Variants in SS18L1 observed in about 807,000 individuals in gnomAD.
SS18L1 encodes the protein calcium-responsive transactivator.
A neutral mutation model predicts 70.3 loss-of-function variants in SS18L1; 32 were observed. That is an observed-to-expected ratio of 0.46 (90% CI 0.34 to 0.61). The LOEUF (loss-of-function observed/expected upper bound fraction) is 0.61. Ranked by LOEUF, SS18L1 falls within the 20% of genes least tolerant of loss-of-function variation. The pLI is 0.01. For missense variants in SS18L1, 430 were observed against 542.1 expected (o/e 0.79, Z 2.05); for synonymous variants, 237 against 229.7 (o/e 1.03, Z -0.29).
At chr20:62,145,656 A>G (rs976553319) in intron 1 of SS18L1, among the ~76,000 whole-genome samples, 1 of 152,200 alleles carries the variant, frequency 6.6e-6, no homozygotes, top group Non-Finnish European at 1.5e-5. Flanking sequence ...GAAGAAATGC[A>G]CCTGTGGACC....
At chr20:62,165,622 A>C in intron 8 of SS18L1, 108 bp downstream of exon 8, 1 of 1,021,898 alleles carries the variant, frequency 9.8e-7, no homozygotes, top group Non-Finnish European at 1.5e-6. Flanking sequence ...TGAGTCCCTT[A>C]AATCACAGCA....
At position 62,172,743 on chromosome 20, in the gene SS18L1, G is replaced by T. The variant is rs748398807; in HGVS notation, c.978G>T (p.Thr326=). The change falls in exon 9 of 11, where the codon ACG becomes ACT. Residue 326 remains threonine, a synonymous_variant. Transcript: ENST00000331758. The part of the protein sequence containing the change: ...GYQQGAAQQQ[T]YSQQQYPSQQ... Reference sequence around the variant, plus strand: ...AGCAGGGTGCCGCGCAGCAGCAGACGTACTCCCAGCAGCAGTACCCCAGCC... The same window carrying T: ...AGCAGGGTGCCGCGCAGCAGCAGACTTACTCCCAGCAGCAGTACCCCAGCC... 1.7e-5 allele frequency: 27 copies of T among 1,613,994 alleles called. No homozygotes were observed. The South Asian group carries it at 3.0e-4, about 18-fold the overall frequency.
chr20:62,179,731 C>CCCA lies in SS18L1; in HGVS notation c.*523_*524insCCA. On this transcript the variant is annotated 3_prime_UTR_variant, in exon 11 of 11. Transcript: ENST00000331758. Reference sequence around the variant, plus strand: ...TGCCTCGATGGGGTGGGTGGGAGGGCATCTTCTGTGCGTTGGGTCAGTTTC... The same window carrying CCCA: ...TGCCTCGATGGGGTGGGTGGGAGGGCCCAATCTTCTGTGCGTTGGGTCAGTTTC... 1 of 145,792 alleles carries CCCA rather than the reference C, an allele frequency of 6.9e-6. No homozygotes were observed. The highest frequency in any genetic ancestry group is 1.5e-5 in the Non-Finnish European group (1 of 66,728). The allele number at this position is 145,792 out of a possible 1,614,324, so 9.0% of individuals were successfully genotyped here.
chr20:62,148,436 A>G (rs2057071686), intron 1 of SS18L1, among the ~76,000 whole-genome samples: 1 of 139,582 alleles, frequency 7.2e-6, no homozygotes. Context: ...CAGGTGAGGG[A>G]GGCTTGGCCT....
chr20:62,169,318 C>G (rs1230523355), intron 8 of SS18L1, among the ~76,000 whole-genome samples: 1 of 152,204 alleles, frequency 6.6e-6, no homozygotes, highest in Non-Finnish European at 1.5e-5. Flanking sequence ...TGGACAAACA[C>G]CAAAACAACC....
At chr20:62,172,875 G>C (rs2057557543) in intron 9 of SS18L1, 74 bp downstream of exon 9, 4 of 1,579,392 alleles carry the variant, frequency 2.5e-6, no homozygotes, top group Non-Finnish European at 3.4e-6. Flanking sequence ...TACGTGCTCA[G>C]TACCCCAGCC....
At position 62,163,592 on chromosome 20, in the gene SS18L1, C is replaced by T. The variant is rs1456336559; in HGVS notation, c.691C>T (p.Pro231Ser). ...GGGGAGCAGCATGATGGGGCAGCGGCCCATGGCGCCCTACCGGCCCTCCCA... is the reference window on the plus strand; with the variant it reads ...GGGGAGCAGCATGATGGGGCAGCGGTCCATGGCGCCCTACCGGCCCTCCCA... ...SQGSSMMGQR[P>S]MAPYRPSQQG... Residue 231 changes from proline to serine, a missense_variant, in exon 6 of 11, where the codon CCC becomes TCC. Physicochemically the swap from Pro to Ser is moderately conservative, Grantham distance 74. Coordinates refer to ENST00000331758, the MANE Select transcript of SS18L1 (RefSeq NM_198935.3). 4.4e-6 allele frequency: 7 copies of T among 1,603,872 alleles called. No homozygotes were observed. Among genetic ancestry groups the T allele is most frequent in the Middle Eastern group, 3.7e-4 (2 of 5,370 alleles).
chr20:62,170,893 A>ATT (rs1387653916), intron 8 of SS18L1, among the ~76,000 whole-genome samples: 148 of 144,264 alleles, frequency 1.0e-3, no homozygotes, highest in African/African-American at 3.6e-3. Context: ...TGGCTCCTTT[A>ATT]TTTTTTTTTT....
intron 7 of SS18L1, 70 bp downstream of exon 7, chr20:62,164,316 G>A: frequency 7.0e-7 from 1 of 1,419,292 alleles, no homozygotes; most frequent in Non-Finnish European, 9.5e-7. Context: ...AGGGCAAGGA[G>A]GGCAAGGAGG....
In SS18L1 at chr20:62,180,527, C is replaced by A. The variant is rs971015328; in HGVS notation, c.*1319C>A. 2.2e-5 allele frequency: 4 copies of A among 180,332 alleles called. No homozygotes were observed. The highest frequency in any genetic ancestry group is 4.7e-5 in the Non-Finnish European group (4 of 84,360). 11.2% of individuals were successfully genotyped at this position (180,332 alleles called of 1,614,324 possible). A position where few individuals can be genotyped will look rare whatever the true frequency, so the allele number is the denominator to read the frequency against. ...ATTTCCAAGAACTACCAAGAAAATA[C>A]AAGAGATATCCAATGCTTGATATAT... is the stretch of plus-strand genomic sequence containing the variant. On this transcript the variant is annotated 3_prime_UTR_variant, in exon 11 of 11. Coordinates refer to ENST00000331758, the MANE Select transcript of SS18L1 (RefSeq NM_198935.3).
rs59638414 is a variant in SS18L1 at position 62,174,017 on chromosome 20, T to TA, written c.1037-483dup. 4.0e-3 allele frequency among the ~76,000 whole-genome samples: 532 copies of TA among 133,666 alleles called. No homozygotes were observed. Among genetic ancestry groups the TA allele is most frequent in the African/African-American group, 4.7e-3 (171 of 36,342 alleles). The allele number at this position is 133,666 out of a possible 152,430, so 87.7% of individuals were successfully genotyped here. Reference sequence around the variant, plus strand: ...TTGGGTGACAGAGTGACACCCTGCCTAAAAAAAAAAAAAAAAATTGGCCTC... The same window carrying TA: ...TTGGGTGACAGAGTGACACCCTGCCTAAAAAAAAAAAAAAAAAATTGGCCTC... On this transcript the variant is annotated intron_variant, in intron 9 of 10. Coordinates refer to ENST00000331758, the MANE Select transcript of SS18L1 (RefSeq NM_198935.3). The surrounding 1 kb of genome is among the most constrained non-coding windows in gnomAD (Gnocchi z 4.1).
In SS18L1 at chr20:62,158,996, TCCCCC is replaced by T. The variant is rs2057276346; in HGVS notation, c.146+249_146+253del. On this transcript the variant is annotated intron_variant, in intron 2 of 10. Coordinates refer to ENST00000331758, the MANE Select transcript of SS18L1 (RefSeq NM_198935.3). The surrounding 1 kb of genome is among the most constrained non-coding windows in gnomAD (Gnocchi z 4.5). ...ACGGAGGCCAGATATGTCCCGAGAG[TCCCCC>T]AGCACGGAGGCCAGATATGTCCCGA... The T allele has an allele frequency of 1.3e-6, 2 of 1,498,056 alleles. No homozygotes were observed. The highest frequency in any genetic ancestry group is 3.1e-5 in the African/African-American group (2 of 64,684). The allele number at this position is 1,498,056 out of a possible 1,614,324, so 92.8% of individuals were successfully genotyped here.
At chr20:62,172,854 C>A in intron 9 of SS18L1, 53 bp downstream of exon 9, 1 of 1,598,302 alleles carries the variant, frequency 6.3e-7, no homozygotes, top group Non-Finnish European at 8.5e-7. Flanking sequence ...CCTGCCCCTG[C>A]CACACATGGG....
At chr20:62,178,394 C>T (rs1217862068) in intron 10 of SS18L1, among the ~76,000 whole-genome samples, 2 of 151,140 alleles carry the variant, frequency 1.3e-5, no homozygotes, top group African/African-American at 4.9e-5. Flanking sequence ...CTCAAATGAT[C>T]CACCCACCTC....
intron 8 of SS18L1, among the ~76,000 whole-genome samples, chr20:62,171,843 A>C (rs1400227331): frequency 3.9e-5 from 6 of 151,936 alleles, no homozygotes; most frequent in African/African-American, 1.2e-4. Flanking sequence ...ACATAGAGAG[A>C]CCCTGTCTCT....
chr20:62,174,668 A>C lies in SS18L1; in HGVS notation c.1164+24A>C. The C allele has an allele frequency of 6.2e-7, 1 of 1,613,206 alleles. No individual in the cohort carries two copies. On this transcript the variant is annotated intron_variant, in intron 10 of 10. Transcript: ENST00000331758. This position sits in a 1 kb window ranked among gnomAD's most constrained non-coding sequence, Gnocchi z 4.1. The stretch of plus-strand genomic sequence containing the variant: ...AGGCAAGCTTTCTGGATGTTTCCAG[A>C]TGTGCCCATCCGCCGCGCCTGTCGA...
rs1418115424 is a variant in SS18L1, at chr20:62,181,824, G to A, written c.*2616G>A. 2 of 227,446 alleles carry A rather than the reference G, an allele frequency of 8.8e-6. No homozygotes were observed. The highest frequency in any genetic ancestry group is 4.4e-5 in the African/African-American group (2 of 45,030). 14.1% of individuals were successfully genotyped at this position (227,446 alleles called of 1,614,324 possible). ...CCAACATGAATTGTTTGTGAAGTGT[G>A]GTTGATGGTGCTTTGTTTTTTTCTG... On this transcript the variant is annotated 3_prime_UTR_variant, in exon 11 of 11. Transcript: ENST00000331758.
At position 62,163,461 on chromosome 20, in the gene SS18L1, C is replaced by T; in HGVS notation, c.560C>T (p.Ser187Phe). Residue 187 changes from serine to phenylalanine, a missense_variant, in exon 6 of 11, where the codon TCC becomes TTC. Transcript: ENST00000331758. ...TNINMQSNPV[S>F]MMQQQAATSH... ...GGGCCTCTGTCCTGTCGTTCAGTCT[C>T]CATGATGCAGCAGCAGGCGGCCACG... is the stretch of plus-strand genomic sequence containing the variant. The T allele has an allele frequency of 6.2e-7, 1 of 1,612,232 alleles. No individual in the cohort carries two copies. The highest frequency in any genetic ancestry group is 8.5e-7 in the Non-Finnish European group (1 of 1,179,832).
In SS18L1 at chr20:62,174,591, G is replaced by T. The variant is rs747512207; in HGVS notation, c.1111G>T (p.Ala371Ser). ...GQGQQYGSYRAPQTAPSAQQQ... is the reference protein window; with the variant it reads ...GQGQQYGSYRSPQTAPSAQQQ... ...AGGCCAGCAGTACGGAAGCTACCGA[G>T]CACCGCAGACAGCGCCGTCTGCCCA... The change falls in exon 10 of 11, where the codon GCA becomes TCA. Residue 371 changes from alanine (A) to serine (S), a missense_variant. Coordinates refer to ENST00000331758, the MANE Select transcript of SS18L1 (RefSeq NM_198935.3). The surrounding 1 kb of genome is among the most constrained non-coding windows in gnomAD (Gnocchi z 4.1). The T allele has an allele frequency of 1.4e-5, 23 of 1,613,814 alleles. No individual in the cohort carries two copies. The South Asian group carries it at 2.3e-4, about 16-fold the overall frequency.
Sources: gnomAD v4.1 joint callset for allele counts (sites outside exome capture counted in the v4.1 genomes callset) on GRCh38, gnomAD v4.1.1 for gene constraint, Gnocchi (gnomAD v3.1) non-coding constraint, MANE v1.5 for transcripts, NCBI Gene and HGNC (gene_info 2026-07-23, HGNC 2026-07-21) for gene names.